Variants in TNN observed in about 807,000 individuals in gnomAD.
TNN encodes the protein tenascin-N.
TNN carries 122 observed loss-of-function variants against 134.4 expected under a neutral mutation model. That is an observed-to-expected ratio of 0.91 (90% CI 0.78 to 1.06). The LOEUF (loss-of-function observed/expected upper bound fraction) is 1.06. Ranked by LOEUF, TNN falls within the 50% of genes least tolerant of loss-of-function variation. The pLI is 0.00. For missense variants in TNN, 1,739 were observed against 1,699.4 expected (o/e 1.02, Z -0.41); for synonymous variants, 710 against 670.3 (o/e 1.06, Z -0.91).
intron 12 of TNN, among the ~76,000 whole-genome samples, chr1:175,124,732 G>A (rs1361777137): frequency 6.6e-6 from 1 of 151,916 alleles, no homozygotes; most frequent in Non-Finnish European, 1.5e-5. Context: ...TCTCTGTCCT[G>A]GACTCCCTAG....
chr1:175,071,490 C>A (rs980667047), intron 1 of TNN, among the ~76,000 whole-genome samples: 7 of 152,356 alleles, frequency 4.6e-5, no homozygotes, highest in Non-Finnish European at 8.8e-5. Flanking sequence ...GGGACTTAAC[C>A]TCTATGTGAG....
chr1:175,118,056 A>C (rs1227124020), intron 10 of TNN, among the ~76,000 whole-genome samples: 4 of 152,214 alleles, frequency 2.6e-5, no homozygotes, highest in Non-Finnish European at 4.4e-5. Flanking sequence ...TGCCCTGCCC[A>C]CTACTAGGCA....
At chr1:175,121,609 A>G (rs1442310132) in intron 11 of TNN, among the ~76,000 whole-genome samples, 1 of 152,238 alleles carries the variant, frequency 6.6e-6, no homozygotes, top group Non-Finnish European at 1.5e-5. Flanking sequence ...AGCTGCTAGA[A>G]AAGTCTGGGT....
intron 18 of TNN, among the ~76,000 whole-genome samples, chr1:175,145,944 A>C (rs567214860): frequency 2.2e-4 from 33 of 152,064 alleles, no homozygotes; most frequent in Non-Finnish European, 1.6e-4. Context: ...CTAATTTCCC[A>C]TCTGCAGCCC....
At chr1:175,091,557 A>T (rs79685802) in intron 6 of TNN, among the ~76,000 whole-genome samples, 4 of 45,456 alleles carry the variant, frequency 8.8e-5, no homozygotes, top group Admixed American at 1.9e-4. Flanking sequence ...TTTATTTATT[A>T]TTTTTATTTA....
In TNN at chr1:175,104,066, G is replaced by A. The variant is rs891325828; in HGVS notation, c.2119+5471G>A. 6.2e-5 allele frequency among the ~76,000 whole-genome samples: 9 copies of A among 145,794 alleles called. 2 individuals are homozygous for A. The highest frequency in any genetic ancestry group is 1.4e-4 in the Admixed American group (2 of 14,486). ...TAATATATCCCTCCCTAATAAGGGT[G>A]TGGGACTTTCAGACATAACAAGAAA... On this transcript the variant is annotated intron_variant, in intron 9 of 18. Coordinates refer to ENST00000239462, the MANE Select transcript of TNN (RefSeq NM_022093.2).
At chr1:175,091,312 AG>A (rs1674439639) in intron 6 of TNN, among the ~76,000 whole-genome samples, 1 of 152,236 alleles carries the variant, frequency 6.6e-6, no homozygotes, top group South Asian at 2.1e-4. Flanking sequence ...GTGAGCTTGG[AG>A]AAGTCACATC....
At chr1:175,114,980 A>G (rs1296701895) in intron 9 of TNN, among the ~76,000 whole-genome samples, 8 of 152,024 alleles carry the variant, frequency 5.3e-5, no homozygotes, top group Non-Finnish European at 8.8e-5. Context: ...GGGCTGTACC[A>G]GGGCAGGGAG....
intron 9 of TNN, among the ~76,000 whole-genome samples, chr1:175,102,127 C>G (rs1674738782): frequency 6.9e-6 from 1 of 145,482 alleles, no homozygotes; most frequent in Non-Finnish European, 1.5e-5. Context: ...GATTGGTGCA[C>G]TCACAAACCT....
intron 15 of TNN, among the ~76,000 whole-genome samples, chr1:175,130,521 C>T (rs1216596655): frequency 6.6e-6 from 1 of 152,178 alleles, no homozygotes; most frequent in Non-Finnish European, 1.5e-5. Flanking sequence ...AGGCCTGCAG[C>T]CCAATTTCCT....
In TNN at chr1:175,074,025, C is replaced by A. The variant is rs1437825327; in HGVS notation, c.-35-3359C>A. ...TCTGAGTTTCAGTCCTCTCACACTG[C>A]AGCCCCCTTCCTCTCTCTGCCATGC... On this transcript the variant is annotated intron_variant, in intron 1 of 18. Coordinates refer to ENST00000239462, the MANE Select transcript of TNN (RefSeq NM_022093.2). 3.3e-5 allele frequency among the ~76,000 whole-genome samples: 5 copies of A among 152,282 alleles called. No individual in the cohort carries two copies. The East Asian group carries it at 5.8e-4, about 18-fold the overall frequency.
At chr1:175,126,194 C>T (rs1021360800) in intron 12 of TNN, among the ~76,000 whole-genome samples, 2 of 150,714 alleles carry the variant, frequency 1.3e-5, no homozygotes, top group Non-Finnish European at 2.9e-5. Flanking sequence ...CTCCGCCTCC[C>T]GAGTTCAAGC....
intron 12 of TNN, among the ~76,000 whole-genome samples, chr1:175,125,834 CTTTTTTCTTTTTCTTTCTTTCTTT>C: frequency 3.0e-4 from 1 of 3,292 alleles, no homozygotes; most frequent in Admixed American, 3.7e-3. Flanking sequence ...TTCTTTCTTT[CTTTTTTCTTTTTCTTTCTTTCTTT>C]TTTCTTTTTC....
chr1:175,094,334 C>G, intron 7 of TNN, 81 bp downstream of exon 7: 1 of 1,372,936 alleles, frequency 7.3e-7, no homozygotes, highest in Non-Finnish European at 9.7e-7. Context: ...TCATTGCTCA[C>G]CTGGCATCAG....
chr1:175,133,101 C>G (rs998291946), intron 15 of TNN, among the ~76,000 whole-genome samples: 1 of 152,170 alleles, frequency 6.6e-6, no homozygotes, highest in Non-Finnish European at 1.5e-5. Flanking sequence ...TAGTGGGAAT[C>G]ATTCCTGAGG....
intron 5 of TNN, among the ~76,000 whole-genome samples, chr1:175,084,950 C>T (rs1399861840): frequency 6.6e-6 from 1 of 152,162 alleles, no homozygotes; most frequent in Non-Finnish European, 1.5e-5. Flanking sequence ...CGTGATTGCA[C>T]CACTGCACTC....
rs1408776933 is a variant in TNN, at chr1:175,098,505, G to A, written c.2029G>A (p.Gly677Ser). 6.2e-7 allele frequency: 1 copy of A among 1,614,164 alleles called. No individual in the cohort carries two copies. Among genetic ancestry groups the A allele is most frequent in the South Asian group, 1.1e-5 (1 of 91,072 alleles). Residue 677 changes from glycine to serine, a missense_variant, in exon 9 of 19, where the codon GGC (glycine) becomes AGC (serine). Physicochemically the swap from Gly to Ser is moderately conservative, Grantham distance 56. Transcript: ENST00000239462. ...GKEQSSTVLTGLRPGMEYMVH... is the reference protein window; with the variant it reads ...GKEQSSTVLTSLRPGMEYMVH... ...GGAGCAGAGCAGCACAGTCCTGACA[G>A]GCCTGAGACCGGGTATGGAGTACAT...
intron 15 of TNN, among the ~76,000 whole-genome samples, chr1:175,130,982 G>A (rs1162748672): frequency 6.6e-6 from 1 of 151,750 alleles, no homozygotes; most frequent in Admixed American, 6.6e-5. Context: ...CCATGCTCCA[G>A]AAAACATGGA....
At chr1:175,120,039 C>G (rs992151772) in intron 11 of TNN, among the ~76,000 whole-genome samples, 1 of 152,212 alleles carries the variant, frequency 6.6e-6, no homozygotes, top group Non-Finnish European at 1.5e-5. Context: ...CTTAAAACCA[C>G]TGATTAAAAA....
Sources: allele counts gnomAD v4.1 joint callset (sites outside exome capture counted in the v4.1 genomes callset), GRCh38; gene constraint gnomAD v4.1.1; transcripts MANE v1.5; gene names NCBI Gene and HGNC (gene_info 2026-07-23, HGNC 2026-07-21).